Variants in PATJ observed in about 807,000 individuals in gnomAD.
PATJ encodes inaD-like protein.
In PATJ, 190 loss-of-function variants were observed where a neutral mutation model predicts 224.9. The observed-to-expected ratio is 0.84, with a 90% CI of 0.75 to 0.95. PATJ has a LOEUF of 0.95. Ranked by LOEUF, PATJ falls within the 40% of genes least tolerant of loss-of-function variation. The pLI, the probability that PATJ is intolerant of heterozygous loss-of-function variation, is 0.00. For missense variants in PATJ, 2,121 were observed against 2,270.3 expected (o/e 0.93, Z 1.34); for synonymous variants, 769 against 820.3 (o/e 0.94, Z 1.07).
At chr1:61,834,676 TTAATA>T (rs1257276026) in intron 17 of PATJ, among the ~76,000 whole-genome samples, 2 of 152,234 alleles carry the variant, frequency 1.3e-5, no homozygotes, top group South Asian at 2.1e-4. Flanking sequence ...CAATTCTTTT[TTAATA>T]TAATAAGGCA....
At chr1:61,949,089 A>G (rs1571450172) in intron 27 of PATJ, among the ~76,000 whole-genome samples, 1 of 133,490 alleles carries the variant, frequency 7.5e-6, no homozygotes, top group Admixed American at 7.8e-5. Flanking sequence ...GCGGGGAGGG[A>G]TTGCATTAGG....
At chr1:61,876,767 G>A (rs1260247315) in intron 21 of PATJ, among the ~76,000 whole-genome samples, 1 of 152,106 alleles carries the variant, frequency 6.6e-6, no homozygotes, top group Admixed American at 6.6e-5. Context: ...TGGAATAAGA[G>A]GCAATCTTAG....
chr1:62,146,325 C>T (rs1254317492), intron 41 of PATJ, among the ~76,000 whole-genome samples: 1 of 152,118 alleles, frequency 6.6e-6, no homozygotes, highest in East Asian at 1.9e-4. Flanking sequence ...GGAAGGACTT[C>T]AGTGATGGTC....
At chr1:61,869,019 A>G (rs984728344) in intron 20 of PATJ, among the ~76,000 whole-genome samples, 4 of 152,202 alleles carry the variant, frequency 2.6e-5, no homozygotes, top group African/African-American at 9.7e-5. Flanking sequence ...GGGAGGGCAG[A>G]AAAAGCTTCT....
intron 42 of PATJ, among the ~76,000 whole-genome samples, chr1:62,149,537 TACATGCA>T (rs1391383785): frequency 6.6e-6 from 1 of 151,824 alleles, no homozygotes; most frequent in Non-Finnish European, 1.5e-5. Context: ...TAAAAGTTAA[TACATGCA>T]TGCCATGAAC....
At chr1:61,774,784 T>A (rs1646822728) in intron 6 of PATJ, among the ~76,000 whole-genome samples, 1 of 152,214 alleles carries the variant, frequency 6.6e-6, no homozygotes, top group African/African-American at 2.4e-5. Context: ...TTCATTGGTT[T>A]TGACTTCATG....
intron 13 of PATJ, among the ~76,000 whole-genome samples, chr1:61,807,785 A>G (rs1054300897): frequency 2.0e-5 from 3 of 152,234 alleles, no homozygotes; most frequent in African/African-American, 7.2e-5. Context: ...TGTTTAACTT[A>G]TCCCTTCCCG....
intron 31 of PATJ, among the ~76,000 whole-genome samples, chr1:62,077,095 T>C (rs1227151557): frequency 6.6e-6 from 1 of 152,160 alleles, no homozygotes; most frequent in African/African-American, 2.4e-5. Context: ...GCTTCAGTTA[T>C]TACCAACACA....
chr1:62,071,336 T>A (rs1007128166), intron 31 of PATJ, among the ~76,000 whole-genome samples: 2 of 152,184 alleles, frequency 1.3e-5, no homozygotes, highest in African/African-American at 2.4e-5. Flanking sequence ...TAAATATTAT[T>A]AATTGCCAGG....
chr1:61,987,714 A>G (rs1213466445), intron 27 of PATJ, among the ~76,000 whole-genome samples: 1 of 152,130 alleles, frequency 6.6e-6, no homozygotes. Context: ...CACTAGTCCA[A>G]AGAATTTCCA....
At chr1:62,019,345 G>A (rs967604676) in intron 29 of PATJ, among the ~76,000 whole-genome samples, 3 of 151,232 alleles carry the variant, frequency 2.0e-5, no homozygotes, top group African/African-American at 7.3e-5. Flanking sequence ...AAGCCAACAT[G>A]GTGAAACCCT....
At chr1:61,791,693 G>A in intron 9 of PATJ, among the ~76,000 whole-genome samples, 1 of 152,094 alleles carries the variant, frequency 6.6e-6, no homozygotes, top group Middle Eastern at 3.4e-3. Context: ...TATTTGAATT[G>A]TATCTTCTCT....
rs149679786 is a variant in PATJ at position 62,118,699 on chromosome 1, A to G, written c.4890+1481A>G. On this transcript the variant is annotated intron_variant, in intron 37 of 43. Transcript: ENST00000642238. ...GGTTGGAGTGCAATGGCGCGATCTC[A>G]GCTCACTGTAATCTTCGCCTCCCGG... is the stretch of plus-strand genomic sequence containing the variant. 6.1e-3 allele frequency among the ~76,000 whole-genome samples: 927 copies of G among 152,202 alleles called. 12 individuals are homozygous for G. Among genetic ancestry groups the G allele is most frequent in the African/African-American group, 0.021 (880 of 41,524 alleles).
intron 28 of PATJ, among the ~76,000 whole-genome samples, chr1:62,010,386 C>T (rs568491891): frequency 6.6e-6 from 1 of 151,588 alleles, no homozygotes; most frequent in South Asian, 2.1e-4. Context: ...GTAATAAATA[C>T]AGGTATATTC....
At chr1:61,831,615 C>T (rs1659336880) in intron 16 of PATJ, among the ~76,000 whole-genome samples, 1 of 152,128 alleles carries the variant, frequency 6.6e-6, no homozygotes, top group African/African-American at 2.4e-5. Flanking sequence ...AAATGCAAAT[C>T]AAAACTACAA....
chr1:61,961,932 G>T lies in PATJ; in HGVS notation c.3671-28236G>T, dbSNP rs3123367. ...TGCAGTGAGCCGAGATCACGCCATC[G>T]CACTCCAGCCTGGGCGACAAGAATG... On this transcript the variant is annotated intron_variant, in intron 27 of 43. Coordinates refer to ENST00000642238, the MANE Select transcript of PATJ (RefSeq NM_001350145.3). Among the ~76,000 whole-genome samples the T allele has an allele frequency of 5.5e-3, 796 of 145,424 alleles. 5 individuals are homozygous for T. Among genetic ancestry groups the T allele is most frequent in the Middle Eastern group, 0.027 (7 of 262 alleles).
In PATJ at chr1:61,766,292, C is replaced by G; in HGVS notation, c.203C>G (p.Pro68Arg). 1.2e-6 allele frequency: 2 copies of G among 1,606,696 alleles called. No individual in the cohort carries two copies. The highest frequency in any genetic ancestry group is 1.7e-6 in the Non-Finnish European group (2 of 1,176,178). ...KQLKGQLNHI[P>R]SDCSANFDFS... ...TCTCTCCAACAGCTCAACCATATAC[C>G]CTCAGATTGTTCAGCCAACTTTGAT... is the stretch of plus-strand genomic sequence containing the variant. The change falls in exon 4 of 44, where the codon CCC (proline) becomes CGC (arginine). Residue 68 changes from proline to arginine, a missense_variant. By Grantham distance (103) the Pro-to-Arg change is moderately radical (BLOSUM62 -2). Transcript: ENST00000642238.
chr1:61,806,475 C>T (rs148166150), intron 13 of PATJ, among the ~76,000 whole-genome samples: 8,993 of 152,024 alleles, frequency 0.059, 392 homozygotes, highest in Middle Eastern at 0.13. Context: ...AAAAATTAGC[C>T]GGGCGTGGTG....
At chr1:61,874,268 C>G (rs6681277) in intron 20 of PATJ, among the ~76,000 whole-genome samples, 21,196 of 151,614 alleles carry the variant, frequency 0.14, 1,553 homozygotes, top group Non-Finnish European at 0.15. Flanking sequence ...ATGGCCTGTT[C>G]TCAGCTCACT....
Sources: gnomAD v4.1 joint callset for allele counts (sites outside exome capture counted in the v4.1 genomes callset) on GRCh38, gnomAD v4.1.1 for gene constraint, MANE v1.5 for transcripts, NCBI Gene and HGNC (gene_info 2026-07-23, HGNC 2026-07-21) for gene names.